The following DNAH8 variants were observed in gnomAD, a reference collection of about 807,000 sequenced individuals.
The protein encoded by DNAH8 is dynein axonemal heavy chain 8, also known as axonemal beta dynein heavy chain 8.
A neutral mutation model predicts 562.1 loss-of-function variants in DNAH8; 382 were observed. That is an observed-to-expected ratio of 0.68 (90% CI 0.63 to 0.74). DNAH8 has a LOEUF of 0.74. Among genes scored for constraint, DNAH8 ranks in the 30% least tolerant of loss-of-function variants. The pLI is 0.00. For missense variants in DNAH8, 5,203 were observed against 5,620.4 expected (o/e 0.93, Z 2.37); for synonymous variants, 1,881 against 1,919.4 (o/e 0.98, Z 0.52).
Position 38,842,841 on chromosome 6 carries a change from G to T in DNAH8, c.4783G>T (p.Asp1595Tyr). ...TGGAACCCCATTTGATGTGGAATCT[G>T]ATTCTTTTTGCCTTAGAAATATCAT... is the stretch of plus-strand genomic sequence containing the variant. ...LTGTPFDVES[D>Y]SFCLRNIMEA... Residue 1595 changes from aspartate (D) to tyrosine (Y), a missense_variant, in exon 35 of 93, where the codon GAT (aspartate) becomes TAT (tyrosine). This residue lies in a region of DNAH8 where 2,176 missense variants were observed against 2,365.1 expected (regional missense o/e 0.92). Coordinates refer to ENST00000327475, the MANE Select transcript of DNAH8 (RefSeq NM_001206927.2). The T allele has an allele frequency of 6.2e-7, 1 of 1,613,790 alleles. No individual in the cohort carries two copies. Among genetic ancestry groups the T allele is most frequent in the South Asian group, 1.1e-5 (1 of 91,074 alleles).
chr6:38,918,221 C>T (rs989484143), intron 70 of DNAH8, 81 bp downstream of exon 70: 32 of 1,032,910 alleles, frequency 3.1e-5, no homozygotes, highest in Admixed American at 9.8e-5. Flanking sequence ...AAAGACAATG[C>T]GTAGTTTAGA....
intron 65 of DNAH8, 141 bp downstream of exon 65, chr6:38,909,885 C>A: frequency 1.3e-6 from 1 of 758,882 alleles, no homozygotes; most frequent in Non-Finnish European, 2.1e-6. Context: ...CTTTGATTTT[C>A]TAGTGACTAT....
At chr6:38,844,752 G>A (rs1775144309) in intron 35 of DNAH8, among the ~76,000 whole-genome samples, 1 of 151,980 alleles carries the variant, frequency 6.6e-6, no homozygotes. Context: ...TGCTGTTACT[G>A]GACTCACTGC....
chr6:39,017,395 G>A (rs1210722187), intron 91 of DNAH8, among the ~76,000 whole-genome samples: 6 of 152,072 alleles, frequency 3.9e-5, no homozygotes, highest in Non-Finnish European at 4.4e-5. Flanking sequence ...GTCGTAATGA[G>A]CCTGACTTCA....
chr6:38,779,237 G>A (rs533112083), intron 14 of DNAH8, among the ~76,000 whole-genome samples: 54 of 152,254 alleles, frequency 3.5e-4, no homozygotes, highest in African/African-American at 9.1e-4. Context: ...ATGGTTCCAC[G>A]GCTGTAATGA....
At chr6:38,881,521 A>G (rs1778479758) in intron 53 of DNAH8, among the ~76,000 whole-genome samples, 1 of 151,998 alleles carries the variant, frequency 6.6e-6, no homozygotes, top group Non-Finnish European at 1.5e-5. Context: ...CAGAGATGCT[A>G]AAATGTAAAT....
rs113963745 is a variant in DNAH8, at chr6:38,918,236, T to C, written c.10524+96T>C. The C allele has an allele frequency of 2.7e-3, 2,248 of 837,348 alleles. 31 individuals are homozygous for C. In the African/African-American group the frequency reaches 0.032, roughly 12 times the overall value. 51.9% of individuals were successfully genotyped at this position (837,348 alleles called of 1,614,324 possible). ...AAAGACAATGCGTAGTTTAGACCAA[T>C]AAAGGTAGATGTCCCTGTTACCAAA... On this transcript the variant is annotated intron_variant, in intron 70 of 92. Transcript: ENST00000327475.
Position 38,770,512 on chromosome 6 carries a change from A to T in DNAH8, c.1717A>T (p.Met573Leu). Reference sequence around the variant, plus strand: ...GGAAAAATCTTTTGAGGTTTCAGAAATGTATATATTTGGAAAATTTGAAGC... The same window carrying T: ...GGAAAAATCTTTTGAGGTTTCAGAATTGTATATATTTGGAAAATTTGAAGC... ...SGEKSFEVSE[M>L]YIFGKFEAFC... The change falls in exon 12 of 93, where the codon ATG becomes TTG. Residue 573 changes from methionine to leucine, a missense_variant. Met to Leu is a conservative substitution (Grantham distance 15). Around this residue, in one of 6 missense-constraint regions of DNAH8, gnomAD observed 2,176 missense variants for 2,365.1 expected, o/e 0.92. Transcript: ENST00000327475. The T allele has an allele frequency of 6.2e-7, 1 of 1,606,388 alleles. No homozygotes were observed. The highest frequency in any genetic ancestry group is 8.5e-7 in the Non-Finnish European group (1 of 1,178,144).
At position 38,741,781 on chromosome 6, in the gene DNAH8, G is replaced by A. The variant is rs1454349279; in HGVS notation, c.1187G>A (p.Trp396Ter). The A allele has an allele frequency of 1.2e-6, 2 of 1,614,092 alleles. No homozygotes were observed. The highest frequency in any genetic ancestry group is 2.2e-5 in the South Asian group (2 of 91,076). The change falls in exon 8 of 93, where the codon TGG becomes TAG. Residue 396 changes from tryptophan to a stop codon, truncating the protein, a stop_gained. Coordinates refer to ENST00000327475, the MANE Select transcript of DNAH8 (RefSeq NM_001206927.2). LOFTEE classifies it high-confidence loss of function. ...DSGPLTELEH[W>*]KRMSAKFNYI... ...GGTCCACTCACTGAATTGGAACACT[G>A]GAAACGCATGTCAGCCAAGTTCAAC...
intron 60 of DNAH8, among the ~76,000 whole-genome samples, chr6:38,897,813 C>G (rs1779803537): frequency 6.6e-6 from 1 of 151,968 alleles, no homozygotes; most frequent in African/African-American, 2.4e-5. Context: ...GTATGCAGAT[C>G]AAAGAATTAG....
Position 38,921,484 on chromosome 6 carries a change from A to G in DNAH8, c.10640A>G (p.Asp3547Gly), listed in dbSNP as rs147713611. 8 of 1,613,290 alleles carry G rather than the reference A, an allele frequency of 5.0e-6. No homozygotes were observed. Among genetic ancestry groups the G allele is most frequent in the Non-Finnish European group, 5.9e-6 (7 of 1,179,678 alleles). Residue 3547 changes from aspartate to glycine, a missense_variant, in exon 71 of 93, where the codon GAT becomes GGT. Physicochemically the swap from Asp to Gly is moderately conservative, Grantham distance 94. Transcript: ENST00000327475. Reference protein sequence around the residue: ...AELDKVQAKFDAAMNEKMDLL... With the variant: ...AELDKVQAKFGAAMNEKMDLL... Reference sequence around the variant, plus strand: ...CTGGATAAAGTACAGGCAAAATTTGATGCAGCAATGAATGAGAAAATGGTG... The same window carrying G: ...CTGGATAAAGTACAGGCAAAATTTGGTGCAGCAATGAATGAGAAAATGGTG...
In DNAH8 at chr6:38,857,056, A is replaced by G. The variant is rs562208312; in HGVS notation, c.5734-462A>G. ...TTCTATAGATAAGTATAGAGACAGA[A>G]AAGTAGACGTAGATAAAAACGTGGA... On this transcript the variant is annotated intron_variant, in intron 41 of 92. Coordinates refer to ENST00000327475, the MANE Select transcript of DNAH8 (RefSeq NM_001206927.2). Among the ~76,000 whole-genome samples the G allele has an allele frequency of 2.6e-5, 4 of 152,318 alleles. No individual in the cohort carries two copies. The East Asian group carries it at 7.7e-4, about 29-fold the overall frequency.
At chr6:38,872,507 A>G (rs978147689) in intron 49 of DNAH8, 29 bp from the exon 50 acceptor site, 6 of 1,601,028 alleles carry the variant, frequency 3.7e-6, no homozygotes, top group Admixed American at 1.7e-5. Flanking sequence ...CATAAATTAC[A>G]TATTTTAATT....
In DNAH8 at chr6:38,851,691, T is replaced by C. The variant is rs201352103; in HGVS notation, c.5466+17T>C. 2.2e-4 allele frequency: 339 copies of C among 1,526,094 alleles called. 2 individuals are homozygous for C. In the Middle Eastern group the frequency reaches 4.2e-3, roughly 19 times the overall value. 94.5% of individuals were successfully genotyped at this position (1,526,094 alleles called of 1,614,324 possible). ...ACCATACAGGTATAATCTAAGAATC[T>C]GTGATCTAACTTGCTTTTCCCACGA... On this transcript the variant is annotated intron_variant, in intron 39 of 92. Transcript: ENST00000327475.
At position 38,721,079 on chromosome 6, in the gene DNAH8, C is replaced by T. The variant is rs527283529; in HGVS notation, c.-34-1697C>T. On this transcript the variant is annotated intron_variant, in intron 1 of 92. Coordinates refer to ENST00000327475, the MANE Select transcript of DNAH8 (RefSeq NM_001206927.2). The stretch of plus-strand genomic sequence containing the variant: ...TGAACAAACTTATAGAAAATTACCT[C>T]AAACGACCAGATTTAAGAATTATTG... Among the ~76,000 whole-genome samples, 4 of 152,246 alleles carry T rather than the reference C, an allele frequency of 2.6e-5. No homozygotes were observed. The East Asian group carries it at 5.8e-4, about 22-fold the overall frequency.
At chr6:38,831,442 A>G (rs1773827118) in intron 30 of DNAH8, among the ~76,000 whole-genome samples, 1 of 151,578 alleles carries the variant, frequency 6.6e-6, no homozygotes, top group African/African-American at 2.4e-5. Context: ...AAAAAAAAAA[A>G]AAAAAAAAGA....
At chr6:38,854,196 AG>A (rs1251949747) in intron 41 of DNAH8, among the ~76,000 whole-genome samples, 3 of 152,100 alleles carry the variant, frequency 2.0e-5, no homozygotes, top group African/African-American at 7.2e-5. Flanking sequence ...AATTGTTGAG[AG>A]GCTTTTTCAT....
At chr6:38,997,506 TA>T (rs578260371) in intron 88 of DNAH8, among the ~76,000 whole-genome samples, 2 of 152,212 alleles carry the variant, frequency 1.3e-5, no homozygotes, top group African/African-American at 4.8e-5. Context: ...GAGGAGAAGT[TA>T]CAGAGTTCTG....
intron 4 of DNAH8, among the ~76,000 whole-genome samples, chr6:38,732,582 G>A (rs1258732929): frequency 1.3e-5 from 2 of 152,280 alleles, no homozygotes; most frequent in South Asian, 2.1e-4. Context: ...TTTAGAACTA[G>A]TTGAACAATC....
Sources: allele counts gnomAD v4.1 joint callset (sites outside exome capture counted in the v4.1 genomes callset), GRCh38; gene constraint gnomAD v4.1.1; regional missense constraint gnomAD v4.1.1; transcripts MANE v1.5; gene names NCBI Gene and HGNC (gene_info 2026-07-23, HGNC 2026-07-21).